Variants in ATAD1 observed in about 807,000 individuals in gnomAD.
ATAD1 encodes ATPase family AAA domain containing 1.
Under a neutral mutation model 42.7 loss-of-function variants are expected in ATAD1, and 18 were observed. That is an observed-to-expected ratio of 0.42 (90% CI 0.29 to 0.63). The LOEUF (loss-of-function observed/expected upper bound fraction) is 0.63. Ranked by LOEUF, ATAD1 falls within the 20% of genes least tolerant of loss-of-function variation. The pLI is 0.19. For synonymous variants in ATAD1, 132 were observed against 143.1 expected (o/e 0.92, Z 0.55); for missense variants, 294 against 440.4 (o/e 0.67, Z 2.98).
At chr10:87,825,276 G>C (rs1179462937) in intron 1 of ATAD1, among the ~76,000 whole-genome samples, 1 of 150,388 alleles carries the variant, frequency 6.6e-6, no homozygotes, top group Non-Finnish European at 1.5e-5. Context: ...TCAATACTTT[G>C]CATGTCTTAT....
chr10:87,759,796 T>A (rs942960881), intron 8 of ATAD1: 1 of 455,824 alleles, frequency 2.2e-6, no homozygotes, highest in Non-Finnish European at 4.4e-6. Flanking sequence ...AGCTGTAAAA[T>A]AGGACTAATA....
At position 87,790,387 on chromosome 10, in the gene ATAD1, T is replaced by A; in HGVS notation, c.305A>T (p.Asp102Val). 1.2e-6 allele frequency: 2 copies of A among 1,612,612 alleles called. No homozygotes were observed. Among genetic ancestry groups the A allele is most frequent in the East Asian group, 2.2e-5 (1 of 44,752 alleles). ...DIAGLDDVIT[D>V]LKDTVILPIK... The stretch of plus-strand genomic sequence containing the variant: ...AGGTAAGATGACTGTGTCTTTCAGA[T>A]CCGTAATGACATCATCTAAACCTGC... The change falls in exon 4 of 10, where the codon GAT (aspartate) becomes GTT (valine). Residue 102 changes from aspartate (D) to valine (V), a missense_variant. Around this residue, in one of 3 missense-constraint regions of ATAD1, gnomAD observed 121 missense variants for 187.3 expected, o/e 0.65. Transcript: ENST00000680024.
At position 87,752,749 on chromosome 10, in the gene ATAD1, C is replaced by G. The variant is rs988002907; in HGVS notation, c.*1938G>C. 9.9e-5 allele frequency: 15 copies of G among 152,104 alleles called. No individual in the cohort carries two copies. The highest frequency in any genetic ancestry group is 3.6e-4 in the African/African-American group (15 of 41,420). 9.4% of individuals were successfully genotyped at this position (152,104 alleles called of 1,614,324 possible). A position where few individuals can be genotyped will look rare whatever the true frequency, so the allele number is the denominator to read the frequency against. On this transcript the variant is annotated 3_prime_UTR_variant, in exon 10 of 10. Coordinates refer to ENST00000680024, the MANE Select transcript of ATAD1 (RefSeq NM_001321967.2). ...ATAGTTTCCTGAATTACTTTATGGT[C>G]TTAACATGCCTAGATGAGTCATAGT...
chr10:87,758,294 A>G (rs1243535809), intron 8 of ATAD1, among the ~76,000 whole-genome samples: 1 of 152,186 alleles, frequency 6.6e-6, no homozygotes, highest in Non-Finnish European at 1.5e-5. Flanking sequence ...TAGAAAGGGT[A>G]CACTAAAGGA....
intron 8 of ATAD1, chr10:87,759,614 G>A (rs540744058): frequency 3.0e-6 from 1 of 333,504 alleles, no homozygotes; most frequent in Non-Finnish European, 5.9e-6. Flanking sequence ...GATACAGTTA[G>A]AAAGATGAAC....
At chr10:87,839,274 A>C (rs897389791) in intron 1 of ATAD1, among the ~76,000 whole-genome samples, 1 of 152,184 alleles carries the variant, frequency 6.6e-6, no homozygotes, top group African/African-American at 2.4e-5. Flanking sequence ...TTCTCTGTAA[A>C]TAATCTCAAG....
chr10:87,783,118 C>T (rs941422547), intron 5 of ATAD1, among the ~76,000 whole-genome samples: 1 of 152,130 alleles, frequency 6.6e-6, no homozygotes, highest in Non-Finnish European at 1.5e-5. Flanking sequence ...GGTGGACACA[C>T]CTGTAATCGC....
chr10:87,815,290 G>A (rs900933954), intron 1 of ATAD1, among the ~76,000 whole-genome samples: 11 of 151,980 alleles, frequency 7.2e-5, no homozygotes, highest in African/African-American at 2.7e-4. Context: ...GAAAAAAAAT[G>A]AGATAAATGT....
In ATAD1 at chr10:87,833,623, T is replaced by C. The variant is rs151154388; in HGVS notation, c.-14+7564A>G. Among the ~76,000 whole-genome samples, 948 of 152,062 alleles carry C rather than the reference T, an allele frequency of 6.2e-3. 19 individuals carry two copies. Among genetic ancestry groups the C allele is most frequent in the Admixed American group, 0.036 (544 of 15,246 alleles). ...TTTTTGTACATGACCTTTATGAGGT[T>C]GTGAAATCCCCTTCTACCCTCGTCT... On this transcript the variant is annotated intron_variant, in intron 1 of 4. Transcript: ENST00000495903.
chr10:87,795,462 C>CTG (rs1856337996), intron 2 of ATAD1, among the ~76,000 whole-genome samples: 1 of 88,918 alleles, frequency 1.1e-5, no homozygotes, highest in Non-Finnish European at 2.1e-5. Context: ...CCATGGTTTG[C>CTG]TTGTTTTTTT....
In ATAD1 at chr10:87,817,766, T is replaced by C. The variant is rs1223093049; in HGVS notation, c.-14+401A>G. 7 of 985,298 alleles carry C rather than the reference T, an allele frequency of 7.1e-6. No homozygotes were observed. In the East Asian group the frequency reaches 5.7e-4, roughly 80 times the overall value. 61.0% of individuals were successfully genotyped at this position (985,298 alleles called of 1,614,324 possible). On this transcript the variant is annotated intron_variant, in intron 1 of 9. Transcript: ENST00000680024. ...GAACCACCTTCGATTTTGCACAAGG[T>C]GGTGGCCGCGCCTGTGCGACAATCA...
intron 8 of ATAD1, among the ~76,000 whole-genome samples, chr10:87,759,024 G>GT (rs1000317466): frequency 1.3e-5 from 2 of 151,984 alleles, no homozygotes; most frequent in African/African-American, 4.8e-5. Flanking sequence ...ATTGTGGCTT[G>GT]TTTTTTCACT....
chr10:87,770,926 T>C, intron 7 of ATAD1, 26 bp downstream of exon 7: 1 of 1,593,084 alleles, frequency 6.3e-7, no homozygotes. Context: ...ATTTAACTCT[T>C]CATAATATCA....
At chr10:87,816,570 T>C (rs747897031) in intron 1 of ATAD1, among the ~76,000 whole-genome samples, 22 of 152,086 alleles carry the variant, frequency 1.4e-4, no homozygotes, top group Non-Finnish European at 1.9e-4. Context: ...TTATATTAAT[T>C]ATAAAGAAAG....
intron 1 of ATAD1, among the ~76,000 whole-genome samples, chr10:87,823,759 G>T (rs1037686015): frequency 1.3e-5 from 2 of 152,126 alleles, no homozygotes; most frequent in Non-Finnish European, 2.9e-5. Flanking sequence ...AATTTTTGCT[G>T]TAAGTAGGTC....
intron 1 of ATAD1, among the ~76,000 whole-genome samples, chr10:87,834,577 G>C (rs1053505141): frequency 6.6e-6 from 1 of 152,084 alleles, no homozygotes; most frequent in Non-Finnish European, 1.5e-5. Context: ...TGAGTTGTTC[G>C]TAGTATTTCC....
chr10:87,814,785 G>A (rs1327498772), intron 1 of ATAD1, 173 bp from the exon 2 acceptor site: 2 of 425,664 alleles, frequency 4.7e-6, no homozygotes, highest in African/African-American at 2.1e-5. Context: ...TAAATGTTAA[G>A]TAAACAAATA....
chr10:87,779,612 T>TA (rs989279472), intron 5 of ATAD1, among the ~76,000 whole-genome samples: 8 of 151,908 alleles, frequency 5.3e-5, no homozygotes, highest in Non-Finnish European at 1.0e-4. Flanking sequence ...AATAAAAAAT[T>TA]AAAAAATCAA....
intron 7 of ATAD1, among the ~76,000 whole-genome samples, chr10:87,768,158 C>T (rs576844901): frequency 6.6e-6 from 1 of 152,230 alleles, no homozygotes; most frequent in South Asian, 2.1e-4. Context: ...CCTTCTTTGA[C>T]CACTAATTTA....
Sources: allele counts gnomAD v4.1 joint callset (sites outside exome capture counted in the v4.1 genomes callset), GRCh38; gene constraint gnomAD v4.1.1; regional missense constraint gnomAD v4.1.1; transcripts MANE v1.5; gene names NCBI Gene and HGNC (gene_info 2026-07-23, HGNC 2026-07-21).